The following MVB12B variants were observed in gnomAD, a reference collection of about 807,000 sequenced individuals.
MVB12B encodes the protein ESCRT-I complex subunit MVB12B.
In MVB12B, 16 loss-of-function variants were observed where a neutral mutation model predicts 41.6. That is an observed-to-expected ratio of 0.38 (90% CI 0.26 to 0.58). MVB12B has a LOEUF of 0.58. Among genes scored for constraint, MVB12B ranks in the 20% least tolerant of loss-of-function variants. The pLI is 0.62. For synonymous variants in MVB12B, 133 were observed against 139.7 expected (o/e 0.95, Z 0.34); for missense variants, 274 against 380.2 (o/e 0.72, Z 2.32).
intron 6 of MVB12B, among the ~76,000 whole-genome samples, chr9:126,419,647 T>C (rs1588157163): frequency 2.0e-5 from 3 of 152,190 alleles, no homozygotes; most frequent in Non-Finnish European, 4.4e-5. Flanking sequence ...TCAGCTTCAT[T>C]GACTAAGTGC....
chr9:126,490,587 G>C (rs1449933196), intron 9 of MVB12B, among the ~76,000 whole-genome samples: 1 of 152,194 alleles, frequency 6.6e-6, no homozygotes, highest in East Asian at 1.9e-4. Flanking sequence ...CCGCACTCCT[G>C]GCGGAGCAAC....
rs1316298515 is a variant in MVB12B, at chr9:126,473,968, T to TG, written c.758-7396dup. On this transcript the variant is annotated intron_variant, in intron 7 of 9. Coordinates refer to ENST00000361171, the MANE Select transcript of MVB12B (RefSeq NM_033446.3). The surrounding 1 kb of genome is among the most constrained non-coding windows in gnomAD (Gnocchi z 4.0). ...GAACTTCTTTACCTCCCAGGTTTGT[T>TG]GGGGGTGGGGGGCTTTGTCATGGCA... is the stretch of plus-strand genomic sequence containing the variant. Among the ~76,000 whole-genome samples, 1 of 152,006 alleles carries TG rather than the reference T, an allele frequency of 6.6e-6. No individual in the cohort carries two copies. Among genetic ancestry groups the TG allele is most frequent in the Non-Finnish European group, 1.5e-5 (1 of 67,980 alleles).
intron 7 of MVB12B, among the ~76,000 whole-genome samples, chr9:126,457,060 G>A (rs528485692): frequency 7.2e-5 from 11 of 152,164 alleles, no homozygotes; most frequent in East Asian, 1.9e-4. Flanking sequence ...CACTAGGCTC[G>A]CAAACCCTTT....
chr9:126,385,234 A>G (rs1201232018), intron 3 of MVB12B, among the ~76,000 whole-genome samples: 6 of 152,338 alleles, frequency 3.9e-5, no homozygotes, highest in African/African-American at 1.4e-4. Context: ...CTGTGTGGCA[A>G]AAACCATGCT....
chr9:126,328,441 C>T (rs1171515317), intron 1 of MVB12B, among the ~76,000 whole-genome samples: 2 of 152,162 alleles, frequency 1.3e-5, no homozygotes, highest in African/African-American at 4.8e-5. Flanking sequence ...GACCTTTTAC[C>T]ACTTCCAACT....
intron 7 of MVB12B, among the ~76,000 whole-genome samples, chr9:126,435,715 A>C (rs1229928834): frequency 6.6e-6 from 1 of 150,570 alleles, no homozygotes; most frequent in African/African-American, 2.4e-5. Flanking sequence ...CCCACCGAGC[A>C]CATCATCTGG....
Position 126,326,968 on chromosome 9 carries a change from G to T in MVB12B, c.39G>T (p.Pro13=). Residue 13 remains proline (P), a synonymous_variant, in exon 1 of 10, where the codon CCG becomes CCT. Transcript: ENST00000361171. ...TCTGCGTGAGACGGAGCCGGGACCC[G>T]CCGCCGCCGCAGCCACCGCCGCCGC... ...SCFCVRRSRD[P]PPPQPPPPPP... The T allele has an allele frequency of 3.9e-6, 1 of 253,410 alleles. No individual in the cohort carries two copies. The highest frequency in any genetic ancestry group is 8.0e-6 in the Non-Finnish European group (1 of 125,368). 15.7% of individuals were successfully genotyped at this position (253,410 alleles called of 1,614,324 possible). A position where few individuals can be genotyped will look rare whatever the true frequency, so the allele number is the denominator to read the frequency against.
chr9:126,364,341 C>T (rs1450411015), intron 2 of MVB12B, among the ~76,000 whole-genome samples: 2 of 152,184 alleles, frequency 1.3e-5, no homozygotes, highest in African/African-American at 4.8e-5. Flanking sequence ...AATCCCATCA[C>T]TTCAACTCTT....
At chr9:126,466,848 G>A (rs1316005032) in intron 7 of MVB12B, among the ~76,000 whole-genome samples, 10 of 151,572 alleles carry the variant, frequency 6.6e-5, no homozygotes, top group African/African-American at 2.4e-4. Context: ...TTTCTTTTGA[G>A]ACAGGGTCTG....
chr9:126,396,312 T>C, intron 6 of MVB12B: 1 of 985,570 alleles, frequency 1.0e-6, no homozygotes, highest in Non-Finnish European at 1.2e-6. Context: ...GCAAAAAGAA[T>C]CCTGTCAAAT....
chr9:126,381,886 A>G (rs1047480247), intron 3 of MVB12B, among the ~76,000 whole-genome samples: 1 of 151,980 alleles, frequency 6.6e-6, no homozygotes, highest in Non-Finnish European at 1.5e-5. Context: ...GTTCCTTTCC[A>G]TTGAAGAAAC....
At chr9:126,384,348 C>T (rs957359230) in intron 3 of MVB12B, among the ~76,000 whole-genome samples, 2 of 151,944 alleles carry the variant, frequency 1.3e-5, no homozygotes, top group East Asian at 1.9e-4. Flanking sequence ...ATGGCAGTGC[C>T]GTAAAAACAC....
At chr9:126,420,599 CAG>C (rs1831979956) in intron 6 of MVB12B, among the ~76,000 whole-genome samples, 1 of 101,784 alleles carries the variant, frequency 9.8e-6, no homozygotes, top group Non-Finnish European at 1.8e-5. Context: ...TTTTTTGAGG[CAG>C]AGTTTTGCTC....
chr9:126,454,439 C>T (rs539095689), intron 7 of MVB12B, among the ~76,000 whole-genome samples: 15 of 152,318 alleles, frequency 9.8e-5, no homozygotes, highest in African/African-American at 3.6e-4. Flanking sequence ...GAAATGTTTC[C>T]TGTGTAGGCA....
rs113308904 is a variant in MVB12B at position 126,486,820 on chromosome 9, G to A, written c.873+2788G>A. Among the ~76,000 whole-genome samples, 3 of 152,284 alleles carry A rather than the reference G, an allele frequency of 2.0e-5. No individual in the cohort carries two copies. Among genetic ancestry groups the A allele is most frequent in the Non-Finnish European group, 2.9e-5 (2 of 68,032 alleles). On this transcript the variant is annotated intron_variant, in intron 9 of 9. Transcript: ENST00000361171. This position sits in a 1 kb window ranked among gnomAD's most constrained non-coding sequence, Gnocchi z 4.7. ...TGCTCCAAGTCCTCCCCACTGTGAC[G>A]GAAAGTGGCAGCTCTGTGTCCTTCC...
chr9:126,470,386 T>C (rs1386223239), intron 7 of MVB12B, among the ~76,000 whole-genome samples: 2 of 152,154 alleles, frequency 1.3e-5, no homozygotes, highest in Non-Finnish European at 2.9e-5. Context: ...GTGTCGAGTT[T>C]CTTGTGGGTG....
intron 6 of MVB12B, among the ~76,000 whole-genome samples, chr9:126,420,239 A>G (rs1026876770): frequency 2.6e-5 from 4 of 152,136 alleles, no homozygotes; most frequent in Non-Finnish European, 5.9e-5. Context: ...GAGCTGAGGG[A>G]GCTCACCTCT....
chr9:126,501,902 C>T (rs541675943), intron 9 of MVB12B, among the ~76,000 whole-genome samples: 198 of 152,174 alleles, frequency 1.3e-3, no homozygotes, highest in African/African-American at 4.5e-3. Flanking sequence ...AGGGCCCTCC[C>T]TGGGGCTGGG....
chr9:126,470,646 C>CTGTGTGTGTATG (rs1833292359), intron 7 of MVB12B, among the ~76,000 whole-genome samples: 9 of 143,514 alleles, frequency 6.3e-5, no homozygotes, highest in African/African-American at 2.3e-4. Context: ...AGTCAGTGCT[C>CTGTGTGTGTATG]TGTGTGTGTG....
Sources: allele counts gnomAD v4.1 joint callset (sites outside exome capture counted in the v4.1 genomes callset), GRCh38; gene constraint gnomAD v4.1.1; non-coding constraint Gnocchi (gnomAD v3.1); transcripts MANE v1.5; gene names NCBI Gene and HGNC (gene_info 2026-07-23, HGNC 2026-07-21).